Variants in EPB41L2 observed in about 807,000 individuals in gnomAD.
The protein encoded by EPB41L2 is band 4.1-like protein 2.
Under a neutral mutation model 113.0 loss-of-function variants are expected in EPB41L2, and 43 were observed. The observed-to-expected ratio is 0.38, with a 90% confidence interval of 0.30 to 0.49. The LOEUF is 0.49. Among genes scored for constraint, EPB41L2 ranks in the 20% least tolerant of loss-of-function variants. The probability of loss-of-function intolerance (pLI) is 0.95; values close to 1 mark genes in which losing one functional copy is unlikely to be tolerated. For missense variants in EPB41L2, 1,147 were observed against 1,223.4 expected (o/e 0.94, Z 0.93); for synonymous variants, 442 against 436.7 (o/e 1.01, Z -0.15).
Position 130,846,474 on chromosome 6 carries a change from C to A in EPB41L2, c.*6-5876G>T, listed in dbSNP as rs575888793. ...CCAATCTGCTATCACTAAACTACTGCCGTTTTCTTCTGTCACAGATATTTG... is the reference window on the plus strand; with the variant it reads ...CCAATCTGCTATCACTAAACTACTGACGTTTTCTTCTGTCACAGATATTTG... On this transcript the variant is annotated intron_variant, in intron 19 of 19. Transcript: ENST00000337057. Among the ~76,000 whole-genome samples, 15 of 152,300 alleles carry A rather than the reference C, an allele frequency of 9.8e-5. No individual in the cohort carries two copies. In the South Asian group the frequency reaches 2.7e-3, roughly 27 times the overall value.
At chr6:130,898,555 C>T (rs1210671506) in intron 8 of EPB41L2, among the ~76,000 whole-genome samples, 1 of 152,166 alleles carries the variant, frequency 6.6e-6, no homozygotes, top group African/African-American at 2.4e-5. Flanking sequence ...AAACTAGAAC[C>T]ATGATGTAAG....
Position 130,955,036 on chromosome 6 carries a change from A to G in EPB41L2, c.705+69T>C, listed in dbSNP as rs1816924360. The G allele has an allele frequency of 7.0e-6, 10 of 1,420,188 alleles. No homozygotes were observed. In the South Asian group the frequency reaches 1.1e-4, roughly 15 times the overall value. The allele number at this position is 1,420,188 out of a possible 1,614,324, so 88.0% of individuals were successfully genotyped here. ...GCTTACAGGAACTTAATAAAACACA[A>G]AAATCTATTCATCATGCCATGCCAC... On this transcript the variant is annotated intron_variant, in intron 3 of 19. Coordinates refer to ENST00000337057, the MANE Select transcript of EPB41L2 (RefSeq NM_001431.4).
chr6:131,042,590 C>T (rs1794662328), intron 1 of EPB41L2, among the ~76,000 whole-genome samples: 1 of 152,028 alleles, frequency 6.6e-6, no homozygotes, highest in Non-Finnish European at 1.5e-5. Context: ...ATTTAATTTC[C>T]CACATAAATT....
At chr6:130,951,917 G>C (rs1416393374) in intron 3 of EPB41L2, among the ~76,000 whole-genome samples, 1 of 151,886 alleles carries the variant, frequency 6.6e-6, no homozygotes, top group East Asian at 1.9e-4. Flanking sequence ...TTTCAGTCTT[G>C]ATCAGAAATA....
intron 3 of EPB41L2, among the ~76,000 whole-genome samples, chr6:130,949,095 C>A (rs1231888613): frequency 6.6e-6 from 1 of 152,052 alleles, no homozygotes; most frequent in African/African-American, 2.4e-5. Context: ...TCAAAAAGAA[C>A]CCTTATAAAA....
chr6:130,931,391 T>C (rs760393282), intron 3 of EPB41L2, among the ~76,000 whole-genome samples: 9 of 151,850 alleles, frequency 5.9e-5, no homozygotes, highest in Non-Finnish European at 1.3e-4. Flanking sequence ...GAAGGAAAAT[T>C]GTAACAAAAA....
intron 1 of EPB41L2, chr6:130,970,250 T>C (rs6921396): frequency 0.5 from 76,335 of 151,938 alleles, 21,915 homozygotes; most frequent in East Asian, 0.94. Context: ...GCAACAAAAA[T>C]GTCCTAATAA....
intron 15 of EPB41L2, chr6:130,867,955 C>A: frequency 6.3e-6 from 1 of 159,516 alleles, no homozygotes; most frequent in South Asian, 1.2e-4. Flanking sequence ...CACACACACA[C>A]ACACACACAC....
rs146361898 is a variant in EPB41L2, at chr6:130,929,077, T to C, written c.706-2368A>G. Among the ~76,000 whole-genome samples the C allele has an allele frequency of 3.9e-5, 6 of 152,322 alleles. No individual in the cohort carries two copies. The East Asian group carries it at 1.2e-3, about 29-fold the overall frequency. ...TGCTTGATGAGATCCTGATTGCACATACACATTACTTAAGCTTCCATCTGC... is the reference window on the plus strand; with the variant it reads ...TGCTTGATGAGATCCTGATTGCACACACACATTACTTAAGCTTCCATCTGC... On this transcript the variant is annotated intron_variant, in intron 3 of 19. Coordinates refer to ENST00000337057, the MANE Select transcript of EPB41L2 (RefSeq NM_001431.4).
chr6:130,864,286 C>A (rs955859020), intron 17 of EPB41L2, among the ~76,000 whole-genome samples: 8 of 152,110 alleles, frequency 5.3e-5, no homozygotes, highest in African/African-American at 1.7e-4. Flanking sequence ...AATTTATTTG[C>A]TGATTTTGTT....
chr6:130,933,809 G>T (rs1436438969), intron 3 of EPB41L2, among the ~76,000 whole-genome samples: 1 of 152,126 alleles, frequency 6.6e-6, no homozygotes, highest in African/African-American at 2.4e-5. Flanking sequence ...TGACATTTCT[G>T]GAGGCCTCTC....
At chr6:131,004,187 A>G (rs1784958947) in intron 1 of EPB41L2, among the ~76,000 whole-genome samples, 1 of 152,134 alleles carries the variant, frequency 6.6e-6, no homozygotes, top group South Asian at 2.1e-4. Context: ...TTGAGTCACC[A>G]GCTTGAAAAA....
intron 3 of EPB41L2, among the ~76,000 whole-genome samples, chr6:130,953,664 T>TA (rs60036274): frequency 0.058 from 8,655 of 147,956 alleles, 367 homozygotes; most frequent in East Asian, 0.13. Flanking sequence ...CTTAAAGTAT[T>TA]AAAAAAAAAA....
At chr6:130,989,572 G>A (rs17178878) in intron 1 of EPB41L2, among the ~76,000 whole-genome samples, 42,436 of 152,088 alleles carry the variant, frequency 0.28, 7,006 homozygotes, top group Non-Finnish European at 0.37. Context: ...ATACTGTGAC[G>A]AAGAATCAAA....
At chr6:131,005,732 CAAGAACTGGCTTTCA>C (rs1785354090) in intron 1 of EPB41L2, among the ~76,000 whole-genome samples, 1 of 152,138 alleles carries the variant, frequency 6.6e-6, no homozygotes, top group Non-Finnish European at 1.5e-5. Flanking sequence ...GGTCATGCAC[CAAGAACTGGCTTTCA>C]ATTTTTTCCA....
intron 15 of EPB41L2, chr6:130,867,801 C>A: frequency 2.0e-6 from 1 of 499,144 alleles, no homozygotes; most frequent in Non-Finnish European, 3.6e-6. Flanking sequence ...CACATAGATA[C>A]GTACATATAT....
At chr6:131,011,113 A>C (rs937250165) in intron 1 of EPB41L2, among the ~76,000 whole-genome samples, 2 of 152,220 alleles carry the variant, frequency 1.3e-5, no homozygotes, top group African/African-American at 4.8e-5. Flanking sequence ...CTATTATGTA[A>C]TCAGCACTGT....
At chr6:131,032,903 C>G (rs1178813424) in intron 1 of EPB41L2, among the ~76,000 whole-genome samples, 1 of 152,158 alleles carries the variant, frequency 6.6e-6, no homozygotes, top group Non-Finnish European at 1.5e-5. Context: ...TCCCAGCACT[C>G]TGGGAAATCC....
intron 18 of EPB41L2, among the ~76,000 whole-genome samples, chr6:130,859,864 G>A (rs1781473424): frequency 6.6e-6 from 1 of 152,182 alleles, no homozygotes; most frequent in Admixed American, 6.5e-5. Context: ...TGAGTGACCT[G>A]TGTTGGGACA....
Sources: allele counts gnomAD v4.1 joint callset (sites outside exome capture counted in the v4.1 genomes callset), GRCh38; gene constraint gnomAD v4.1.1; transcripts MANE v1.5; gene names NCBI Gene and HGNC (gene_info 2026-07-23, HGNC 2026-07-21).